Variants in PHF21B observed in about 807,000 individuals in gnomAD.
The protein encoded by PHF21B is PHD finger protein 21B.
A neutral mutation model predicts 62.2 loss-of-function variants in PHF21B; 22 were observed. That is an observed-to-expected ratio of 0.35 (90% confidence interval 0.25 to 0.51). The LOEUF (loss-of-function observed/expected upper bound fraction) is 0.51. Among genes scored for constraint, PHF21B ranks in the 20% least tolerant of loss-of-function variants. PHF21B has a pLI of 0.97. For missense variants in PHF21B, 701 were observed against 707.9 expected (o/e 0.99, Z 0.11); for synonymous variants, 341 against 314.7 (o/e 1.08, Z -0.88).
rs564401293 is a variant in PHF21B, at chr22:44,952,689, T to C, written c.121-32199A>G. Reference sequence around the variant, plus strand: ...CTTTCCACATCTCCTATGATGAATATGTTTACAGTTGAAAAAGAGAAGAGT... The same window carrying C: ...CTTTCCACATCTCCTATGATGAATACGTTTACAGTTGAAAAAGAGAAGAGT... On this transcript the variant is annotated intron_variant, in intron 2 of 12. Transcript: ENST00000313237. 4.6e-5 allele frequency among the ~76,000 whole-genome samples: 7 copies of C among 152,338 alleles called. No homozygotes were observed. The East Asian group carries it at 7.7e-4, about 17-fold the overall frequency.
intron 5 of PHF21B, among the ~76,000 whole-genome samples, chr22:44,897,567 G>C (rs1358198962): frequency 6.6e-6 from 1 of 152,128 alleles, no homozygotes; most frequent in Non-Finnish European, 1.5e-5. Context: ...GTAGGTGCTC[G>C]TGAGTATTTG....
intron 2 of PHF21B, among the ~76,000 whole-genome samples, chr22:44,963,808 C>T (rs2072472100): frequency 6.6e-6 from 1 of 152,250 alleles, no homozygotes; most frequent in South Asian, 2.1e-4. Flanking sequence ...CACACCTCTG[C>T]TCAAAGCTTC....
At chr22:44,969,220 G>A (rs2072590312) in intron 2 of PHF21B, 1 of 152,230 alleles carries the variant, frequency 6.6e-6, no homozygotes, top group South Asian at 2.1e-4. Context: ...AAGGAGGGGT[G>A]TTTTCATCAC....
At chr22:44,990,432 T>C (rs571867748) in intron 2 of PHF21B, among the ~76,000 whole-genome samples, 20 of 55,616 alleles carry the variant, frequency 3.6e-4, no homozygotes, top group African/African-American at 1.0e-3. Flanking sequence ...GACGGATGAA[T>C]GGATAAACAG....
At chr22:44,889,576 G>A (rs1297368150) in intron 9 of PHF21B, among the ~76,000 whole-genome samples, 184 bp downstream of exon 9, 2 of 152,214 alleles carry the variant, frequency 1.3e-5, no homozygotes, top group African/African-American at 2.4e-5. Flanking sequence ...CCGACTTGAC[G>A]CTGCCTGGCC....
At chr22:44,966,806 T>C (rs759319473) in intron 2 of PHF21B, among the ~76,000 whole-genome samples, 3 of 152,180 alleles carry the variant, frequency 2.0e-5, no homozygotes, top group Non-Finnish European at 4.4e-5. Context: ...ATGGAAAAGG[T>C]AGCATCGCTG....
intron 2 of PHF21B, among the ~76,000 whole-genome samples, chr22:44,930,450 G>A (rs2071718532): frequency 6.6e-6 from 1 of 152,070 alleles, no homozygotes. Context: ...AGGGAGCTCT[G>A]TCTACAGCTG....
intron 2 of PHF21B, among the ~76,000 whole-genome samples, chr22:44,968,248 A>G (rs1467502865): frequency 6.6e-6 from 1 of 152,128 alleles, no homozygotes; most frequent in African/African-American, 2.4e-5. Context: ...TCTCGTCTTT[A>G]TTCATTTATT....
At chr22:44,979,878 G>A (rs1196252194) in intron 2 of PHF21B, among the ~76,000 whole-genome samples, 1 of 151,964 alleles carries the variant, frequency 6.6e-6, no homozygotes, top group Non-Finnish European at 1.5e-5. Context: ...AGACCAGTCT[G>A]GCCGACATGG....
At chr22:44,916,221 C>T (rs2071428883) in intron 4 of PHF21B, 59 bp downstream of exon 4, 1 of 1,503,680 alleles carries the variant, frequency 6.7e-7, no homozygotes, top group African/African-American at 1.4e-5. Flanking sequence ...CAAATGATTG[C>T]TCTCGGCCTC....
rs183487261 is a variant in PHF21B at position 44,934,862 on chromosome 22, C to A, written c.121-14372G>T. Among the ~76,000 whole-genome samples the A allele has an allele frequency of 6.0e-4, 92 of 152,334 alleles. 1 individual carries two copies. The highest frequency in any genetic ancestry group is 2.2e-3 in the African/African-American group (92 of 41,580). ...TCTTTCCTGGTCTGGCTGCTTAACT[C>A]CAGACCCACCGAAAGCTCAGCAGGC... On this transcript the variant is annotated intron_variant, in intron 2 of 12. Coordinates refer to ENST00000313237, the MANE Select transcript of PHF21B (RefSeq NM_138415.5).
chr22:44,908,901 G>A (rs961875018), intron 5 of PHF21B, among the ~76,000 whole-genome samples: 5 of 152,164 alleles, frequency 3.3e-5, no homozygotes, highest in African/African-American at 4.8e-5. Flanking sequence ...AGGTTCAAGC[G>A]ATTCTCCTGC....
intron 2 of PHF21B, among the ~76,000 whole-genome samples, chr22:44,949,733 TA>T (rs1239649563): frequency 6.6e-6 from 1 of 152,210 alleles, no homozygotes; most frequent in Non-Finnish European, 1.5e-5. Flanking sequence ...GACGTGTGTG[TA>T]CCGCGTCCAT....
intron 2 of PHF21B, among the ~76,000 whole-genome samples, chr22:44,991,879 T>A (rs1188819272): frequency 1.3e-5 from 2 of 152,262 alleles, no homozygotes; most frequent in Admixed American, 6.5e-5. Context: ...TCACTTTCTT[T>A]GGTTTCTTCC....
intron 12 of PHF21B, among the ~76,000 whole-genome samples, chr22:44,885,059 T>C (rs73422463): frequency 0.026 from 4,015 of 152,356 alleles, 153 homozygotes; most frequent in African/African-American, 0.085. Context: ...GCTTGATAAA[T>C]ATTTGTTGAA....
rs540840861 is a variant in PHF21B, at chr22:44,964,113, G to A, written c.121-43623C>T. ...AAGAGCAAGAGCATGTGTTTCCTGG[G>A]GCTGTGGGGAAGATGAAACAGATGA... On this transcript the variant is annotated intron_variant, in intron 2 of 12. Transcript: ENST00000313237. 1.1e-4 allele frequency among the ~76,000 whole-genome samples: 16 copies of A among 152,312 alleles called. No individual in the cohort carries two copies. In the South Asian group the frequency reaches 1.7e-3, roughly 16 times the overall value.
At chr22:44,966,343 C>T (rs1373878629) in intron 2 of PHF21B, among the ~76,000 whole-genome samples, 1 of 152,226 alleles carries the variant, frequency 6.6e-6, no homozygotes, top group Non-Finnish European at 1.5e-5. Flanking sequence ...CGGGTGCAGG[C>T]ACTTGCCCAA....
At chr22:44,884,776 TCAC>T (rs551709304) in intron 12 of PHF21B, among the ~76,000 whole-genome samples, 11 of 150,030 alleles carry the variant, frequency 7.3e-5, no homozygotes, top group African/African-American at 2.5e-4. Flanking sequence ...ACCATCACCA[TCAC>T]CACCACCATT....
At chr22:44,930,146 G>A (rs944289386) in intron 2 of PHF21B, among the ~76,000 whole-genome samples, 2 of 152,210 alleles carry the variant, frequency 1.3e-5, no homozygotes, top group Admixed American at 6.5e-5. Flanking sequence ...GACTCCATCC[G>A]CTCAGGCAAA....
Sources: allele counts gnomAD v4.1 joint callset (sites outside exome capture counted in the v4.1 genomes callset), GRCh38; gene constraint gnomAD v4.1.1; transcripts MANE v1.5; gene names NCBI Gene and HGNC (gene_info 2026-07-23, HGNC 2026-07-21).